DPYD: variants seen among roughly 807,000 people sequenced by gnomAD.
DPYD encodes the protein dihydropyrimidine dehydrogenase.
A neutral mutation model predicts 116.2 loss-of-function variants in DPYD; 109 were observed. That is an observed-to-expected ratio of 0.94 (90% CI 0.80 to 1.10). DPYD has a LOEUF of 1.10. Among genes scored for constraint, DPYD ranks in the 50% least tolerant of loss-of-function variants. The probability of loss-of-function intolerance (pLI) is 0.00; values close to 1 mark genes in which losing one functional copy is unlikely to be tolerated. For missense variants in DPYD, 1,302 were observed against 1,254.5 expected, an observed-to-expected ratio of 1.04 and a Z score of -0.57; for synonymous variants, 440 against 432.0, an observed-to-expected ratio of 1.02 and a Z score of -0.23.
chr1:97,506,010 C>G (rs1036552206), intron 13 of DPYD, among the ~76,000 whole-genome samples: 1 of 151,912 alleles, frequency 6.6e-6, no homozygotes, highest in East Asian at 1.9e-4. Flanking sequence ...AACTAACACA[C>G]CAGTAACTTC....
intron 3 of DPYD, among the ~76,000 whole-genome samples, chr1:97,794,263 A>C (rs1667460208): frequency 6.6e-6 from 1 of 152,212 alleles, no homozygotes; most frequent in African/African-American, 2.4e-5. Flanking sequence ...GAGAATGAAA[A>C]GACAACCCAC....
intron 1 of DPYD, among the ~76,000 whole-genome samples, chr1:97,917,324 T>C (rs1331441218): frequency 2.0e-5 from 3 of 152,204 alleles, no homozygotes; most frequent in Non-Finnish European, 4.4e-5. Flanking sequence ...GCAATTATGA[T>C]AAAAGATGTT....
intron 2 of DPYD, chr1:97,855,623 G>A (rs1379293190): frequency 6.6e-6 from 1 of 152,130 alleles, no homozygotes; most frequent in Non-Finnish European, 1.5e-5. Flanking sequence ...AATTTAGGTT[G>A]GTAGCTTAAA....
chr1:97,396,512 A>C (rs1261601722), intron 14 of DPYD, among the ~76,000 whole-genome samples: 1 of 152,070 alleles, frequency 6.6e-6, no homozygotes, highest in Non-Finnish European at 1.5e-5. Context: ...ATACCATCTA[A>C]GCTAGACCAG....
chr1:97,309,242 G>A (rs927271362), intron 16 of DPYD, among the ~76,000 whole-genome samples: 1 of 151,596 alleles, frequency 6.6e-6, no homozygotes, highest in Non-Finnish European at 1.5e-5. Context: ...CGTCTACGTA[G>A]ATCACAAAGG....
At chr1:97,110,004 C>A (rs1257173173) in intron 20 of DPYD, among the ~76,000 whole-genome samples, 3 of 152,004 alleles carry the variant, frequency 2.0e-5, no homozygotes, top group Non-Finnish European at 4.4e-5. Context: ...ATCCATAAAT[C>A]AGAATTCATC....
At chr1:97,887,721 G>C (rs1672577586) in intron 1 of DPYD, among the ~76,000 whole-genome samples, 1 of 151,888 alleles carries the variant, frequency 6.6e-6, no homozygotes, top group Non-Finnish European at 1.5e-5. Flanking sequence ...TGGTTTAGCT[G>C]CATCCCCACC....
intron 20 of DPYD, among the ~76,000 whole-genome samples, chr1:97,166,656 T>C (rs1484565268): frequency 6.6e-6 from 1 of 152,232 alleles, no homozygotes; most frequent in Non-Finnish European, 1.5e-5. Context: ...TAAGATTTCC[T>C]TAAGACAACT....
In DPYD at chr1:97,108,198, G is replaced by A. The variant is rs556511492; in HGVS notation, c.2623-9566C>T. Among the ~76,000 whole-genome samples the A allele has an allele frequency of 6.6e-5, 10 of 152,184 alleles. No homozygotes were observed. The South Asian group carries it at 2.1e-3, about 32-fold the overall frequency. ...CTGGGGGAGGTAATGTGGCATATTG[G>A]AAACAGCACTCACTTGGGAATTAGG... On this transcript the variant is annotated intron_variant, in intron 20 of 22. Coordinates refer to ENST00000370192, the MANE Select transcript of DPYD (RefSeq NM_000110.4).
intron 16 of DPYD, among the ~76,000 whole-genome samples, chr1:97,345,227 T>G (rs1669782667): frequency 6.6e-6 from 1 of 151,904 alleles, no homozygotes; most frequent in Non-Finnish European, 1.5e-5. Flanking sequence ...ACATGAAGAG[T>G]GCATTATCAT....
chr1:97,891,675 C>T (rs1020690282), intron 1 of DPYD, among the ~76,000 whole-genome samples: 7 of 151,826 alleles, frequency 4.6e-5, no homozygotes, highest in African/African-American at 1.7e-4. Context: ...ATCACAGGCC[C>T]TCATGTCACA....
chr1:97,503,690 C>T lies in DPYD; in HGVS notation c.1740+12036G>A, dbSNP rs191240855. Among the ~76,000 whole-genome samples, 463 of 151,978 alleles carry T rather than the reference C, an allele frequency of 3.0e-3. 2 individuals carry two copies. Among genetic ancestry groups the T allele is most frequent in the Non-Finnish European group, 3.7e-3 (254 of 67,924 alleles). On this transcript the variant is annotated intron_variant, in intron 13 of 22. Coordinates refer to ENST00000370192, the MANE Select transcript of DPYD (RefSeq NM_000110.4). ...GTCTCCCACAATTATTTCACCTAAT[C>T]AAATCCATGCATGTTTAATCACATC...
chr1:97,815,627 T>C (rs1668566005), intron 3 of DPYD, among the ~76,000 whole-genome samples: 1 of 152,178 alleles, frequency 6.6e-6, no homozygotes, highest in Admixed American at 6.5e-5. Context: ...TGGATTAAGG[T>C]GAGACCAGGA....
intron 5 of DPYD, among the ~76,000 whole-genome samples, chr1:97,713,828 T>C (rs1424283515): frequency 1.3e-5 from 2 of 152,130 alleles, no homozygotes; most frequent in Admixed American, 6.6e-5. Context: ...AATAATTGAA[T>C]AGTACTATTT....
chr1:97,470,796 G>A (rs545002002), intron 13 of DPYD, among the ~76,000 whole-genome samples: 16 of 152,110 alleles, frequency 1.1e-4, no homozygotes, highest in Non-Finnish European at 1.9e-4. Context: ...TCAGGAGTTC[G>A]AGACCAGCTT....
chr1:97,634,736 A>G (rs1387450179), intron 8 of DPYD, among the ~76,000 whole-genome samples: 1 of 152,074 alleles, frequency 6.6e-6, no homozygotes, highest in Non-Finnish European at 1.5e-5. Flanking sequence ...AGCATTGTGC[A>G]GTATTTGACA....
chr1:97,510,405 T>C (rs1363850015), intron 13 of DPYD, among the ~76,000 whole-genome samples: 2 of 152,000 alleles, frequency 1.3e-5, no homozygotes, highest in Non-Finnish European at 2.9e-5. Flanking sequence ...GTTGGGTATA[T>C]GGAAGATAGA....
chr1:97,852,014 T>G (rs1384035797), intron 2 of DPYD, among the ~76,000 whole-genome samples: 1 of 132,704 alleles, frequency 7.5e-6, no homozygotes, highest in Non-Finnish European at 1.6e-5. Context: ...CCAGAGACTG[T>G]GCAATTTACA....
At chr1:97,311,041 G>A (rs1031265107) in intron 16 of DPYD, among the ~76,000 whole-genome samples, 15 of 151,756 alleles carry the variant, frequency 9.9e-5, no homozygotes, top group Non-Finnish European at 2.2e-4. Flanking sequence ...AAAACCATGA[G>A]TATGGAAAGC....
Sources: gnomAD v4.1 joint callset for allele counts (sites outside exome capture counted in the v4.1 genomes callset) on GRCh38, gnomAD v4.1.1 for gene constraint, MANE v1.5 for transcripts, NCBI Gene and HGNC (gene_info 2026-07-23, HGNC 2026-07-21) for gene names.